The following DLG2 variants were observed in gnomAD, a reference collection of about 807,000 sequenced individuals.
DLG2 encodes the protein disks large homolog 2.
Under a neutral mutation model 132.5 loss-of-function variants are expected in DLG2, and 45 were observed. The ratio of observed to expected loss-of-function variants is 0.34; its 90% confidence interval spans 0.27 to 0.44. The LOEUF is 0.44. Ranked by LOEUF, DLG2 falls within the 20% of genes least tolerant of loss-of-function variation. DLG2 has a pLI of 1.00. For missense variants in DLG2, 1,045 were observed against 1,196.9 expected, an observed-to-expected ratio of 0.87 and a Z score of 1.87; for synonymous variants, 424 against 419.6, an observed-to-expected ratio of 1.01 and a Z score of -0.13.
At chr11:85,595,160 C>A (rs1403958920) in intron 3 of DLG2, among the ~76,000 whole-genome samples, 1 of 150,684 alleles carries the variant, frequency 6.6e-6, no homozygotes, top group African/African-American at 2.4e-5. Context: ...CCTTGAAAAT[C>A]TTAATGTTTT....
At position 83,596,215 on chromosome 11, in the gene DLG2, G is replaced by A. The variant is rs544345483; in HGVS notation, c.1940+36996C>T. Among the ~76,000 whole-genome samples, 26 of 152,202 alleles carry A rather than the reference G, an allele frequency of 1.7e-4. 1 individual carries two copies. In the South Asian group the frequency reaches 2.5e-3, roughly 15 times the overall value. The stretch of plus-strand genomic sequence containing the variant: ...CTTCAATGATCTGATGTAAGGGGAG[G>A]ATGTCCATTCTTCCCTCCCTTAAAG... On this transcript the variant is annotated intron_variant, in intron 19 of 27. Transcript: ENST00000376104.
chr11:84,735,404 G>A (rs1395680280), intron 6 of DLG2, among the ~76,000 whole-genome samples: 2 of 152,128 alleles, frequency 1.3e-5, no homozygotes, highest in Non-Finnish European at 2.9e-5. Flanking sequence ...ATTTCTTCTA[G>A]ATTTTCTAGT....
chr11:83,568,815 A>G (rs2096751253), intron 19 of DLG2, among the ~76,000 whole-genome samples: 1 of 152,172 alleles, frequency 6.6e-6, no homozygotes, highest in African/African-American at 2.4e-5. Flanking sequence ...AAGATCATGG[A>G]AGGAAAAGGC....
At chr11:83,906,585 A>G (rs1394377734) in intron 15 of DLG2, among the ~76,000 whole-genome samples, 1 of 152,112 alleles carries the variant, frequency 6.6e-6, no homozygotes, top group Non-Finnish European at 1.5e-5. Context: ...TACCAACAAT[A>G]TCATCCATGT....
chr11:84,612,578 T>A (rs2099597277), intron 6 of DLG2, among the ~76,000 whole-genome samples: 1 of 152,084 alleles, frequency 6.6e-6, no homozygotes, highest in Non-Finnish European at 1.5e-5. Flanking sequence ...AAAATGAAAA[T>A]AAGAAAATAC....
At chr11:84,526,622 T>C (rs1236229448) in intron 7 of DLG2, among the ~76,000 whole-genome samples, 1 of 152,138 alleles carries the variant, frequency 6.6e-6, no homozygotes, top group East Asian at 1.9e-4. Flanking sequence ...AGTATATTGT[T>C]ATAATTATAT....
chr11:84,009,356 GAAAATGC>G (rs2094754291), intron 11 of DLG2, among the ~76,000 whole-genome samples: 1 of 151,980 alleles, frequency 6.6e-6, no homozygotes, highest in South Asian at 2.1e-4. Flanking sequence ...TTCTAGAGGT[GAAAATGC>G]AGAAATATAT....
At chr11:85,080,938 T>C in intron 6 of DLG2, among the ~76,000 whole-genome samples, 1 of 152,122 alleles carries the variant, frequency 6.6e-6, no homozygotes, top group East Asian at 1.9e-4. Flanking sequence ...TTTTCAAAGA[T>C]GTTAAAAAGG....
At chr11:85,043,421 G>A (rs953666935) in intron 6 of DLG2, among the ~76,000 whole-genome samples, 1 of 151,712 alleles carries the variant, frequency 6.6e-6, no homozygotes, top group African/African-American at 2.4e-5. Context: ...AGATGAGAAA[G>A]CTTCACCAAA....
chr11:83,872,226 T>G (rs1030004421), intron 16 of DLG2, among the ~76,000 whole-genome samples: 2 of 152,142 alleles, frequency 1.3e-5, no homozygotes, highest in African/African-American at 2.4e-5. Context: ...TCACGCCACT[T>G]CACTTCAATC....
chr11:84,974,369 T>A, intron 6 of DLG2, among the ~76,000 whole-genome samples: 1 of 152,194 alleles, frequency 6.6e-6, no homozygotes, highest in East Asian at 1.9e-4. Flanking sequence ...GAATCCCAGT[T>A]CAGCCAGTTA....
intron 4 of DLG2, among the ~76,000 whole-genome samples, chr11:85,263,872 T>C (rs966691106): frequency 2.6e-5 from 4 of 152,178 alleles, no homozygotes; most frequent in Non-Finnish European, 5.9e-5. Context: ...GTAACAGTTA[T>C]TGAAACAATA....
At chr11:84,166,500 C>CAAAAAAAAA (rs398016937) in intron 8 of DLG2, among the ~76,000 whole-genome samples, 9 of 80,958 alleles carry the variant, frequency 1.1e-4, no homozygotes, top group Admixed American at 3.4e-4. Context: ...GACTCTGCTT[C>CAAAAAAAAA]AAAAAAAAAA....
intron 18 of DLG2, among the ~76,000 whole-genome samples, chr11:83,748,767 C>T (rs556534824): frequency 1.4e-4 from 22 of 152,172 alleles, no homozygotes; most frequent in African/African-American, 4.8e-4. Flanking sequence ...TTTATATTGG[C>T]GGTAGAAAAT....
intron 7 of DLG2, among the ~76,000 whole-genome samples, chr11:84,342,697 C>A (rs1391218127): frequency 1.3e-5 from 2 of 152,108 alleles, no homozygotes; most frequent in African/African-American, 2.4e-5. Flanking sequence ...ATTATAACTA[C>A]TTTTTCAGTA....
chr11:84,999,037 C>T (rs1229322443), intron 6 of DLG2, among the ~76,000 whole-genome samples: 3 of 151,740 alleles, frequency 2.0e-5, no homozygotes, highest in African/African-American at 7.3e-5. Context: ...CTTGCATCAG[C>T]TTAGTCTACC....
chr11:84,563,476 T>A (rs1032316410), intron 6 of DLG2, among the ~76,000 whole-genome samples: 4 of 152,150 alleles, frequency 2.6e-5, no homozygotes, highest in African/African-American at 9.7e-5. Flanking sequence ...CTGGAAGGAA[T>A]CATGCTTTTT....
chr11:84,795,850 TGTG>T (rs1192497984), intron 6 of DLG2, among the ~76,000 whole-genome samples: 3 of 151,978 alleles, frequency 2.0e-5, no homozygotes, highest in African/African-American at 4.8e-5. Context: ...GAAAGCCACT[TGTG>T]GTACACCTGG....
intron 6 of DLG2, among the ~76,000 whole-genome samples, chr11:84,739,499 C>T (rs1170386580): frequency 6.6e-6 from 1 of 152,134 alleles, no homozygotes; most frequent in Non-Finnish European, 1.5e-5. Context: ...CTCCTATGAG[C>T]ACTTTACCTG....
Sources: gnomAD v4.1 joint callset for allele counts (sites outside exome capture counted in the v4.1 genomes callset) on GRCh38, gnomAD v4.1.1 for gene constraint, MANE v1.5 for transcripts, NCBI Gene and HGNC (gene_info 2026-07-23, HGNC 2026-07-21) for gene names.